Variants in CCDC85A observed in about 807,000 individuals in gnomAD.
CCDC85A encodes the protein coiled-coil domain containing 85A, also known as coiled-coil domain-containing protein 85A.
In CCDC85A, 38 loss-of-function variants were observed where a neutral mutation model predicts 50.2. The ratio of observed to expected loss-of-function variants is 0.76; its 90% CI spans 0.58 to 0.99. CCDC85A has a LOEUF of 0.99. Among genes scored for constraint, CCDC85A ranks in the 50% least tolerant of loss-of-function variants. CCDC85A has a pLI of 0.00. For synonymous variants in CCDC85A, 366 were observed against 301.4 expected (o/e 1.21, Z -2.22); for missense variants, 820 against 742.0 (o/e 1.11, Z -1.22).
intron 3 of CCDC85A, among the ~76,000 whole-genome samples, chr2:56,368,102 C>A (rs1675895882): frequency 6.6e-6 from 1 of 152,142 alleles, no homozygotes; most frequent in Non-Finnish European, 1.5e-5. Flanking sequence ...TATGGCATTG[C>A]ATGCAATATC....
intron 2 of CCDC85A, among the ~76,000 whole-genome samples, chr2:56,254,100 A>G (rs1050604224): frequency 6.6e-6 from 1 of 152,212 alleles, no homozygotes; most frequent in Non-Finnish European, 1.5e-5. Flanking sequence ...ATACACATAT[A>G]TATGTGTTTC....
At chr2:56,335,579 G>A (rs1674030905) in intron 2 of CCDC85A, among the ~76,000 whole-genome samples, 1 of 150,614 alleles carries the variant, frequency 6.6e-6, no homozygotes, top group African/African-American at 2.5e-5. Context: ...CTGAAGGTAA[G>A]ACAGCAAGAG....
intron 2 of CCDC85A, among the ~76,000 whole-genome samples, chr2:56,231,668 A>G (rs1668779627): frequency 6.6e-6 from 1 of 152,110 alleles, no homozygotes; most frequent in African/African-American, 2.4e-5. Flanking sequence ...TAGAGAGTTC[A>G]TGGCTTTAGA....
At chr2:56,336,809 ATCAAG>A (rs1288374774) in intron 2 of CCDC85A, among the ~76,000 whole-genome samples, 1 of 152,232 alleles carries the variant, frequency 6.6e-6, no homozygotes, top group Non-Finnish European at 1.5e-5. Context: ...CTGAAGTGAA[ATCAAG>A]TCAAGAATAT....
At chr2:56,356,100 A>T (rs906533821) in intron 3 of CCDC85A, among the ~76,000 whole-genome samples, 2 of 152,224 alleles carry the variant, frequency 1.3e-5, no homozygotes, top group Non-Finnish European at 2.9e-5. Context: ...GAAATCTCAT[A>T]AGAGGAAAAG....
At chr2:56,271,207 G>T (rs1018505749) in intron 2 of CCDC85A, among the ~76,000 whole-genome samples, 7 of 152,194 alleles carry the variant, frequency 4.6e-5, no homozygotes, top group Admixed American at 4.6e-4. Context: ...GGTCAGTTAT[G>T]TAGGGCTATA....
At position 56,313,308 on chromosome 2, in the gene CCDC85A, G is replaced by A. The variant is rs1020361212; in HGVS notation, c.1241-29571G>A. 5.9e-5 allele frequency among the ~76,000 whole-genome samples: 9 copies of A among 152,012 alleles called. No homozygotes were observed. In the East Asian group the frequency reaches 1.7e-3, roughly 29 times the overall value. ...CAACTAGCCTGCAAATCTCATGTGT[G>A]CTATATCTCTTCATAATTATAAAGC... On this transcript the variant is annotated intron_variant, in intron 2 of 5. Transcript: ENST00000407595.
chr2:56,290,434 A>G (rs542954148), intron 2 of CCDC85A, among the ~76,000 whole-genome samples: 72 of 152,150 alleles, frequency 4.7e-4, no homozygotes, highest in Non-Finnish European at 9.4e-4. Context: ...AGGTGATCAA[A>G]TATGCCTGAT....
At chr2:56,252,406 ACT>A (rs1669802619) in intron 2 of CCDC85A, among the ~76,000 whole-genome samples, 2 of 151,760 alleles carry the variant, frequency 1.3e-5, no homozygotes, top group Admixed American at 1.3e-4. Context: ...TGACAGGGAA[ACT>A]CAGCCTGCTT....
At chr2:56,187,967 G>A (rs1476166888) in intron 1 of CCDC85A, among the ~76,000 whole-genome samples, 7 of 152,194 alleles carry the variant, frequency 4.6e-5, no homozygotes, top group Admixed American at 2.6e-4. Context: ...CCACCGACCC[G>A]CCCACCACCC....
At chr2:56,188,965 G>T (rs954259876) in intron 1 of CCDC85A, among the ~76,000 whole-genome samples, 3 of 152,220 alleles carry the variant, frequency 2.0e-5, no homozygotes, top group African/African-American at 7.2e-5. Context: ...AAAAATTGAT[G>T]TCTAGTGATT....
At chr2:56,369,950 C>T (rs2104387383) in intron 3 of CCDC85A, among the ~76,000 whole-genome samples, 1 of 152,214 alleles carries the variant, frequency 6.6e-6, no homozygotes, top group East Asian at 1.9e-4. Context: ...ATTCATACTT[C>T]TTCATATTCT....
chr2:56,292,103 G>A (rs1671739172), intron 2 of CCDC85A, among the ~76,000 whole-genome samples: 3 of 151,922 alleles, frequency 2.0e-5, no homozygotes, highest in Non-Finnish European at 4.4e-5. Context: ...TTCTTTTTGA[G>A]ACGGAGTCTT....
At chr2:56,206,215 T>A (rs1014917511) in intron 2 of CCDC85A, among the ~76,000 whole-genome samples, 1 of 152,096 alleles carries the variant, frequency 6.6e-6, no homozygotes, top group African/African-American at 2.4e-5. Context: ...CTCACACACA[T>A]AGGAATATAA....
intron 2 of CCDC85A, among the ~76,000 whole-genome samples, chr2:56,333,645 C>T (rs1673926094): frequency 6.6e-6 from 1 of 151,812 alleles, no homozygotes; most frequent in Non-Finnish European, 1.5e-5. Flanking sequence ...GAGGAGGAGG[C>T]AAGAATAGAA....
At chr2:56,188,687 G>A (rs1676156988) in intron 1 of CCDC85A, among the ~76,000 whole-genome samples, 1 of 152,196 alleles carries the variant, frequency 6.6e-6, no homozygotes, top group Non-Finnish European at 1.5e-5. Context: ...TAAAGCATCA[G>A]TATCAAGGGA....
intron 2 of CCDC85A, among the ~76,000 whole-genome samples, chr2:56,220,930 T>C (rs1370321001): frequency 6.6e-6 from 1 of 151,970 alleles, no homozygotes; most frequent in African/African-American, 2.4e-5. Context: ...TCTTAAATGG[T>C]CTCTCCATTT....
chr2:56,372,339 A>G lies in CCDC85A; in HGVS notation c.1318-5A>G. ...GTGATTGTACCATATTGTTCCAAATATAAGGCCAGCCAGAATAGAAGGCAA... is the reference window on the plus strand; with the variant it reads ...GTGATTGTACCATATTGTTCCAAATGTAAGGCCAGCCAGAATAGAAGGCAA... On this transcript the variant is annotated splice_region_variant and splice_polypyrimidine_tract_variant and intron_variant, in intron 3 of 5. Coordinates refer to ENST00000407595, the MANE Select transcript of CCDC85A (RefSeq NM_001080433.2). The G allele has an allele frequency of 6.4e-7, 1 of 1,565,746 alleles. No homozygotes were observed. The highest frequency in any genetic ancestry group is 2.4e-5 in the East Asian group (1 of 42,466).
chr2:56,246,406 T>C (rs942495414), intron 2 of CCDC85A, among the ~76,000 whole-genome samples: 1 of 152,152 alleles, frequency 6.6e-6, no homozygotes, highest in Non-Finnish European at 1.5e-5. Context: ...TATTTGCTTA[T>C]GCTTTTGGTG....
Sources: gnomAD v4.1 joint callset for allele counts (sites outside exome capture counted in the v4.1 genomes callset) on GRCh38, gnomAD v4.1.1 for gene constraint, MANE v1.5 for transcripts, NCBI Gene and HGNC (gene_info 2026-07-23, HGNC 2026-07-21) for gene names.